The following NLGN4X variants were observed in gnomAD, a reference collection of about 807,000 sequenced individuals.
NLGN4X encodes the protein neuroligin-4, X-linked.
In NLGN4X, 3 loss-of-function variants were observed where a neutral mutation model predicts 40.3. That is an observed-to-expected ratio of 0.07 (90% confidence interval 0.03 to 0.19). The LOEUF (loss-of-function observed/expected upper bound fraction) is 0.19. Ranked by LOEUF, NLGN4X falls within the 10% of genes least tolerant of loss-of-function variation. The pLI is 1.00. For synonymous variants in NLGN4X, 270 were observed against 306.8 expected (o/e 0.88, Z 1.25); for missense variants, 382 against 708.3 (o/e 0.54, Z 5.23).
At chrX:5,966,867 A>C (rs2034849494) in intron 3 of NLGN4X, among the ~76,000 whole-genome samples, 1 of 112,196 alleles carries the variant, frequency 8.9e-6, no homozygotes, top group African/African-American at 3.2e-5. Flanking sequence ...ATTGTTTTGA[A>C]ACTTGATTAC....
At chrX:5,949,136 C>T (rs1029933360) in intron 3 of NLGN4X, among the ~76,000 whole-genome samples, 1 of 111,989 alleles carries the variant, frequency 8.9e-6, no homozygotes, top group African/African-American at 3.2e-5. Flanking sequence ...ACTCCCAGAA[C>T]ATTCTATTCA....
At chrX:6,069,934 A>G (rs2038017949) in intron 2 of NLGN4X, among the ~76,000 whole-genome samples, 1 of 111,778 alleles carries the variant, frequency 8.9e-6, no homozygotes, top group African/African-American at 3.3e-5. Context: ...CTTTAATACC[A>G]ACAGATCACA....
At chrX:6,218,477 C>CACACACAA (rs1358389252) in intron 1 of NLGN4X, among the ~76,000 whole-genome samples, 5 of 103,600 alleles carry the variant, frequency 4.8e-5, no homozygotes, top group Non-Finnish European at 9.8e-5. Context: ...ATTAAACCCA[C>CACACACAA]ACACACACAC....
rs114930842 is a variant in NLGN4X at position 6,094,831 on chromosome X, G to C, written c.472+56164C>G. 4.0e-3 allele frequency among the ~76,000 whole-genome samples: 443 copies of C among 111,252 alleles called. 5 individuals are homozygous for C. The highest frequency in any genetic ancestry group is 0.014 in the African/African-American group (416 of 30,574). On this transcript the variant is annotated intron_variant, in intron 2 of 5. Coordinates refer to ENST00000381095, the MANE Select transcript of NLGN4X (RefSeq NM_181332.3). ...CAGAAATACAGAAAAGTCATCGGTT[G>C]TCTGTTTCTGTATTGAAGCATGAAG...
At chrX:6,091,106 G>A (rs1281619353) in intron 2 of NLGN4X, among the ~76,000 whole-genome samples, 1 of 110,556 alleles carries the variant, frequency 9.0e-6, no homozygotes, top group Non-Finnish European at 1.9e-5. Context: ...TAGTTGGAGA[G>A]AAGATGGAGA....
chrX:5,913,604 G>C (rs1269192520), intron 3 of NLGN4X, among the ~76,000 whole-genome samples: 1 of 112,065 alleles, frequency 8.9e-6, no homozygotes, highest in East Asian at 2.8e-4. Context: ...ATTGAACAAC[G>C]AAAGAAAGAT....
intron 1 of NLGN4X, among the ~76,000 whole-genome samples, chrX:6,182,701 A>T (rs1284521015): frequency 9.0e-6 from 1 of 111,664 alleles, no homozygotes; most frequent in African/African-American, 3.3e-5. Flanking sequence ...CAGGAGGGTC[A>T]GAGTCAGAGA....
chrX:6,076,855 A>G (rs2038211741), intron 2 of NLGN4X, among the ~76,000 whole-genome samples: 2 of 112,340 alleles, frequency 1.8e-5, no homozygotes, highest in Admixed American at 1.9e-4. Context: ...GTTCACTTGG[A>G]TAACTCTCTT....
chrX:5,915,368 TA>T (rs1231867817), intron 3 of NLGN4X, among the ~76,000 whole-genome samples: 51 of 110,004 alleles, frequency 4.6e-4, no homozygotes, highest in East Asian at 3.1e-3. Flanking sequence ...TTACATGAAA[TA>T]AAAAAAAACT....
At chrX:6,081,445 C>T (rs1909446351) in intron 2 of NLGN4X, among the ~76,000 whole-genome samples, 1 of 112,448 alleles carries the variant, frequency 8.9e-6, no homozygotes, top group Admixed American at 9.4e-5. Flanking sequence ...GAAAACAGCA[C>T]ATCTCTCTTT....
chrX:6,076,486 A>G (rs1383400294), intron 2 of NLGN4X, among the ~76,000 whole-genome samples: 1 of 111,921 alleles, frequency 8.9e-6, no homozygotes, highest in Non-Finnish European at 1.9e-5. Context: ...GGTTGTTCTC[A>G]TTGTTTGTTT....
intron 2 of NLGN4X, among the ~76,000 whole-genome samples, chrX:6,099,352 A>G (rs1295939270): frequency 4.5e-5 from 5 of 112,232 alleles, no homozygotes; most frequent in African/African-American, 1.6e-4. Flanking sequence ...TTTCTATCAA[A>G]CTTTGAGCAC....
At chrX:6,133,933 T>A (rs1452488961) in intron 2 of NLGN4X, among the ~76,000 whole-genome samples, 2 of 111,813 alleles carry the variant, frequency 1.8e-5, no homozygotes, top group Non-Finnish European at 3.8e-5. Context: ...CAACTTCGTC[T>A]TTGTAGTGTG....
chrX:6,141,670 T>A (rs772364926), intron 2 of NLGN4X, among the ~76,000 whole-genome samples: 13 of 109,295 alleles, frequency 1.2e-4, no homozygotes, highest in African/African-American at 4.0e-4. Context: ...AATACAAAAA[T>A]TACCTGGGTG....
intron 3 of NLGN4X, among the ~76,000 whole-genome samples, chrX:6,001,485 T>C (rs2035968100): frequency 8.9e-6 from 1 of 112,248 alleles, no homozygotes; most frequent in South Asian, 3.7e-4. Context: ...GACTTATAAA[T>C]CACTATCATA....
At chrX:5,991,541 G>C in intron 3 of NLGN4X, 1 of 510,608 alleles carries the variant, frequency 2.0e-6, no homozygotes, top group South Asian at 2.5e-5. Context: ...GATGGAAATA[G>C]GACAGGTGAG....
intron 2 of NLGN4X, among the ~76,000 whole-genome samples, chrX:6,125,440 TACA>T (rs1357274005): frequency 9.3e-6 from 1 of 107,411 alleles, no homozygotes; most frequent in African/African-American, 3.4e-5. Flanking sequence ...ACAAATAATA[TACA>T]ACAATATACA....
chrX:6,209,600 GAATTT>G (rs1459747210), intron 1 of NLGN4X, among the ~76,000 whole-genome samples: 9 of 111,460 alleles, frequency 8.1e-5, no homozygotes. Flanking sequence ...AAATTATACA[GAATTT>G]AATAGTTTGT....
chrX:6,078,278 G>T (rs1272022581), intron 2 of NLGN4X, among the ~76,000 whole-genome samples: 3 of 112,268 alleles, frequency 2.7e-5, no homozygotes, highest in Non-Finnish European at 5.6e-5. Context: ...TGTGCATCCT[G>T]TTTGCTATCG....
Sources: allele counts gnomAD v4.1 joint callset (sites outside exome capture counted in the v4.1 genomes callset), GRCh38; gene constraint gnomAD v4.1.1; transcripts MANE v1.5; gene names NCBI Gene and HGNC (gene_info 2026-07-23, HGNC 2026-07-21).